PTK2: variants seen among roughly 807,000 people sequenced by gnomAD.
PTK2 encodes the protein focal adhesion kinase 1.
In PTK2, 45 loss-of-function variants were observed where a neutral mutation model predicts 150.1. That is an observed-to-expected ratio of 0.30 (90% confidence interval 0.24 to 0.38). The LOEUF is 0.38. Among genes scored for constraint, PTK2 ranks in the 10% least tolerant of loss-of-function variants. The pLI is 1.00. For missense variants in PTK2, 919 were observed against 1,307.3 expected, an observed-to-expected ratio of 0.70 and a Z score of 4.58; for synonymous variants, 432 against 449.2, an observed-to-expected ratio of 0.96 and a Z score of 0.48.
chr8:140,786,665 A>T (rs562210138), intron 14 of PTK2, among the ~76,000 whole-genome samples: 74 of 152,070 alleles, frequency 4.9e-4, no homozygotes, highest in African/African-American at 1.6e-3. Context: ...AATATACCAC[A>T]CTTGTTTCTC....
chr8:140,703,991 A>G (rs1432419269), intron 24 of PTK2, among the ~76,000 whole-genome samples: 1 of 152,198 alleles, frequency 6.6e-6, no homozygotes, highest in African/African-American at 2.4e-5. Context: ...TTATACCAAA[A>G]TTTCATATGG....
intron 12 of PTK2, among the ~76,000 whole-genome samples, chr8:140,795,184 C>T (rs1295086512): frequency 6.6e-6 from 1 of 152,182 alleles, no homozygotes; most frequent in African/African-American, 2.4e-5. Flanking sequence ...GGCCAACCTA[C>T]CATGGTCTAT....
intron 1 of PTK2, among the ~76,000 whole-genome samples, chr8:140,977,112 A>T (rs1228146470): frequency 6.6e-6 from 1 of 152,212 alleles, no homozygotes; most frequent in Non-Finnish European, 1.5e-5. Flanking sequence ...TTTATGGGCC[A>T]GGTGTGGTGG....
rs566019775 is a variant in PTK2 at position 140,854,434 on chromosome 8, T to C, written c.451-7756A>G. Among the ~76,000 whole-genome samples, 21 of 152,330 alleles carry C rather than the reference T, an allele frequency of 1.4e-4. No homozygotes were observed. In the South Asian group the frequency reaches 4.1e-3, roughly 30 times the overall value. On this transcript the variant is annotated intron_variant, in intron 5 of 31. Transcript: ENST00000522684. ...GTTGCCAATGAAATACTTATAACTT[T>C]AACAAATGAAAGTTGTGAGAGAAAA...
intron 1 of PTK2, among the ~76,000 whole-genome samples, chr8:140,958,638 CGTAAGT>C (rs1453652236): frequency 3.9e-5 from 6 of 152,214 alleles, no homozygotes; most frequent in African/African-American, 1.4e-4. Flanking sequence ...CACACTGAGA[CGTAAGT>C]GTAAAATACA....
At position 140,714,170 on chromosome 8, in the gene PTK2, G is replaced by T. The variant is rs532807842; in HGVS notation, c.2142+3428C>A. Reference sequence around the variant, plus strand: ...CCCAAAGCACCGCAATTATAGGTGTGAGTCACCACACCCGGCCTGTAAGTG... The same window carrying T: ...CCCAAAGCACCGCAATTATAGGTGTTAGTCACCACACCCGGCCTGTAAGTG... On this transcript the variant is annotated intron_variant, in intron 23 of 31. Coordinates refer to ENST00000522684, the Ensembl canonical transcript of PTK2. Among the ~76,000 whole-genome samples the T allele has an allele frequency of 4.1e-3, 630 of 152,278 alleles. 7 individuals carry two copies. Among genetic ancestry groups the T allele is most frequent in the South Asian group, 0.029 (138 of 4,826 alleles).
chr8:140,973,572 G>A (rs771654964), intron 1 of PTK2, among the ~76,000 whole-genome samples: 6 of 151,676 alleles, frequency 4.0e-5, no homozygotes, highest in Non-Finnish European at 7.4e-5. Flanking sequence ...TAGGATAGAT[G>A]TAAATCAAAG....
At chr8:140,719,919 A>AAACAAC (rs1222878569) in intron 22 of PTK2, among the ~76,000 whole-genome samples, 67 of 149,680 alleles carry the variant, frequency 4.5e-4, no homozygotes, top group African/African-American at 1.5e-3. Context: ...AAAAAATCAA[A>AAACAAC]AACAACAACA....
intron 1 of PTK2, among the ~76,000 whole-genome samples, chr8:140,988,657 A>G (rs2100194320): frequency 7.3e-6 from 1 of 137,604 alleles, no homozygotes; most frequent in Admixed American, 8.4e-5. Context: ...TGAACCCGGG[A>G]GGCGGAGCCT....
chr8:140,936,581 T>C (rs2100173718), intron 1 of PTK2, among the ~76,000 whole-genome samples: 1 of 151,460 alleles, frequency 6.6e-6, no homozygotes, highest in African/African-American at 2.4e-5. Flanking sequence ...AAAAAAAAGA[T>C]CAGATCTTGA....
intron 7 of PTK2, among the ~76,000 whole-genome samples, chr8:140,834,182 T>A (rs2100117262): frequency 1.3e-5 from 2 of 152,176 alleles, no homozygotes; most frequent in Non-Finnish European, 2.9e-5. Flanking sequence ...TCAGCCACCC[T>A]CATTCTCTAG....
intron 2 of PTK2, among the ~76,000 whole-genome samples, chr8:140,896,794 G>GGGT (rs914927230): frequency 1.6e-5 from 2 of 125,668 alleles, no homozygotes; most frequent in South Asian, 2.6e-4. Context: ...AAAACGGGGG[G>GGGT]GGGGGGTGGG....
chr8:140,996,693 T>C (rs1029141918), intron 1 of PTK2, among the ~76,000 whole-genome samples: 1 of 152,402 alleles, frequency 6.6e-6, no homozygotes, highest in Middle Eastern at 3.4e-3. Context: ...GTTTACAGCA[T>C]GTTTTACTGA....
intron 10 of PTK2, 32 bp downstream of exon 10, chr8:140,818,245 G>A (rs1208600185): frequency 4.5e-6 from 7 of 1,559,028 alleles, no homozygotes; most frequent in East Asian, 2.2e-5. Context: ...TTTGTGTAAC[G>A]CCAAGTTCCC....
chr8:140,744,106 TTG>T (rs1593277389), intron 19 of PTK2, among the ~76,000 whole-genome samples: 1 of 151,654 alleles, frequency 6.6e-6, no homozygotes, highest in South Asian at 2.1e-4. Context: ...TGGATGAAGT[TTG>T]TATTAATGCC....
At chr8:140,927,975 A>AATATAT (rs1179717665) in intron 1 of PTK2, among the ~76,000 whole-genome samples, 695 of 47,990 alleles carry the variant, frequency 0.014, 9 homozygotes, top group African/African-American at 0.022. Context: ...AAAAAAAAAA[A>AATATAT]ATATATATAT....
At chr8:140,878,806 T>C (rs1004806169) in intron 4 of PTK2, among the ~76,000 whole-genome samples, 1 of 148,256 alleles carries the variant, frequency 6.7e-6, no homozygotes, top group Non-Finnish European at 1.5e-5. Context: ...GTATTTTAGA[T>C]GTACAATTTC....
intron 1 of PTK2, among the ~76,000 whole-genome samples, chr8:140,982,597 CA>C (rs543366153): frequency 1.3e-5 from 2 of 149,660 alleles, no homozygotes; most frequent in African/African-American, 4.9e-5. Context: ...ACTCAATCTC[CA>C]AAAAAAAAGA....
chr8:140,724,353 T>C (rs1389187763), intron 22 of PTK2, among the ~76,000 whole-genome samples: 1 of 152,232 alleles, frequency 6.6e-6, no homozygotes, highest in Non-Finnish European at 1.5e-5. Flanking sequence ...AAGAACTGTG[T>C]TTTTGTCTTC....
Sources: gnomAD v4.1 joint callset for allele counts (sites outside exome capture counted in the v4.1 genomes callset) on GRCh38, gnomAD v4.1.1 for gene constraint, MANE v1.5 for transcripts, NCBI Gene and HGNC (gene_info 2026-07-23, HGNC 2026-07-21) for gene names.